Variants in ZNF43 observed in about 807,000 individuals in gnomAD.
ZNF43 encodes the protein zinc finger protein 43.
ZNF43 carries 44 observed loss-of-function variants against 68.4 expected under a neutral mutation model. That is an observed-to-expected ratio of 0.64 (90% confidence interval 0.51 to 0.83). ZNF43 has a LOEUF of 0.83. Among genes scored for constraint, ZNF43 ranks in the 40% least tolerant of loss-of-function variants. The probability of loss-of-function intolerance (pLI) is 0.00; values close to 1 mark genes in which losing one functional copy is unlikely to be tolerated. For synonymous variants in ZNF43, 308 were observed against 307.8 expected, an observed-to-expected ratio of 1.00 and a Z score of -0.01; for missense variants, 896 against 933.2, an observed-to-expected ratio of 0.96 and a Z score of 0.52.
chr19:21,835,948 A>G, intron 1 of ZNF43, 88 bp downstream of exon 1: 1 of 1,603,646 alleles, frequency 6.2e-7, no homozygotes, highest in East Asian at 2.2e-5. Context: ...GAACTCCGGC[A>G]CGCGCAGATT....
intron 1 of ZNF43, among the ~76,000 whole-genome samples, chr19:21,831,031 A>C (rs1295370411): frequency 6.6e-6 from 1 of 152,176 alleles, no homozygotes; most frequent in Non-Finnish European, 1.5e-5. Context: ...ATGCAGAAAA[A>C]TCTTTCAAGA....
At position 21,836,116 on chromosome 19, in the gene ZNF43, G is replaced by C. The variant is rs1233839540; in HGVS notation, c.-78C>G. On this transcript the variant is annotated 5_prime_UTR_variant, in exon 1 of 4. Coordinates refer to ENST00000354959, the MANE Select transcript of ZNF43 (RefSeq NM_003423.4). Reference sequence around the variant, plus strand: ...GCAGGTCACAGAGCCACAGAGGCTGGACCTCTAGCAGCAGAGGACACAGAA... The same window carrying C: ...GCAGGTCACAGAGCCACAGAGGCTGCACCTCTAGCAGCAGAGGACACAGAA... 6 of 1,609,472 alleles carry C rather than the reference G, an allele frequency of 3.7e-6. No homozygotes were observed. In the African/African-American group the frequency reaches 8.0e-5, roughly 21 times the overall value.
chr19:21,833,665 A>C (rs955359389), intron 1 of ZNF43, among the ~76,000 whole-genome samples: 3 of 152,134 alleles, frequency 2.0e-5, no homozygotes, highest in African/African-American at 7.2e-5. Context: ...AAAAACAACA[A>C]AATGAAGTGT....
chr19:21,842,848 T>TCA (rs1288961186), intron 1 of ZNF43, among the ~76,000 whole-genome samples: 2 of 151,796 alleles, frequency 1.3e-5, no homozygotes, highest in African/African-American at 4.8e-5. Context: ...GGCAGAAAAA[T>TCA]CACATAACCT....
Position 21,808,408 on chromosome 19 carries a change from A to G in ZNF43, c.1629T>C (p.Cys543=). 6.2e-7 allele frequency: 1 copy of G among 1,613,066 alleles called. No homozygotes were observed. Among genetic ancestry groups the G allele is most frequent in the Non-Finnish European group, 8.5e-7 (1 of 1,179,896 alleles). Reference sequence around the variant, plus strand: ...TTGAGAAATGGTTAAAAGCTTTGCCACATTCTTCACATTTGTAGGGTTTCT... The same window carrying G: ...TTGAGAAATGGTTAAAAGCTTTGCCGCATTCTTCACATTTGTAGGGTTTCT... ...TGEKPYKCEE[C]GKAFNHFSIL... Residue 543 remains cysteine, a synonymous_variant, in exon 4 of 4, where the codon TGT becomes TGC. Transcript: ENST00000354959.
chr19:21,813,543 G>A (rs1458457762), intron 3 of ZNF43, among the ~76,000 whole-genome samples: 1 of 152,052 alleles, frequency 6.6e-6, no homozygotes, highest in Admixed American at 6.6e-5. Context: ...TATGTCACCT[G>A]AAATTAGCAA....
chr19:21,812,897 C>T (rs1019254508), intron 3 of ZNF43, among the ~76,000 whole-genome samples: 1 of 150,648 alleles, frequency 6.6e-6, no homozygotes, highest in African/African-American at 2.5e-5. Context: ...CAAATCACTG[C>T]ACTTCAGTCT....
At chr19:21,831,347 A>T (rs920845446) in intron 1 of ZNF43, among the ~76,000 whole-genome samples, 25 of 149,676 alleles carry the variant, frequency 1.7e-4, no homozygotes, top group Middle Eastern at 3.5e-3. Context: ...TCAGCAGAAA[A>T]TTTTTTTTTT....
intron 3 of ZNF43, among the ~76,000 whole-genome samples, chr19:21,814,267 A>G (rs2145191668): frequency 6.6e-6 from 1 of 152,288 alleles, no homozygotes; most frequent in South Asian, 2.1e-4. Flanking sequence ...ATGACTACTA[A>G]CTTAGAGAAG....
chr19:21,813,529 A>C (rs2037381150), intron 3 of ZNF43, among the ~76,000 whole-genome samples: 1 of 152,180 alleles, frequency 6.6e-6, no homozygotes, highest in Non-Finnish European at 1.5e-5. Flanking sequence ...AATTTTGAGA[A>C]TATTATGTCA....
chr19:21,851,799 G>C, intron 1 of ZNF43: 1 of 1,267,050 alleles, frequency 7.9e-7, no homozygotes, highest in Non-Finnish European at 1.1e-6. Flanking sequence ...GCCTGGGGCG[G>C]AGCTGCGCCA....
intron 1 of ZNF43, among the ~76,000 whole-genome samples, chr19:21,831,417 A>G (rs529365318): frequency 7.2e-5 from 11 of 152,006 alleles, no homozygotes; most frequent in Admixed American, 3.3e-4. Flanking sequence ...GCTGGAGTGC[A>G]GTGGCACAAT....
At chr19:21,839,331 CAAAAAAAAAAAAAAA>C (rs61335194), upstream of ZNF43, among the ~76,000 whole-genome samples, 11 of 28,302 alleles carry the variant, frequency 3.9e-4, no homozygotes, top group Admixed American at 1.9e-3. Context: ...AGAGATCAGG[CAAAAAAAAAAAAAAA>C]AAAAAAAAAA....
At chr19:21,815,622 T>C (rs2037492028) in intron 3 of ZNF43, among the ~76,000 whole-genome samples, 1 of 151,848 alleles carries the variant, frequency 6.6e-6, no homozygotes. Context: ...CTCTTTTACC[T>C]ACAGCAAACT....
chr19:21,807,948 T>TA lies in ZNF43; in HGVS notation c.2088dup (p.Lys697Ter), dbSNP rs1230877503. 1 of 1,612,870 alleles carries TA rather than the reference T, an allele frequency of 6.2e-7. No individual in the cohort carries two copies. Among genetic ancestry groups the TA allele is most frequent in the African/African-American group, 1.3e-5 (1 of 74,908 alleles). ...GGTTTCTCTCCAGTATGAATAATCT[T>TA]ATGTGTAGAAAGGGTTGAGGACAGT... is the stretch of plus-strand genomic sequence containing the variant. On this transcript the variant is annotated frameshift_variant, in exon 4 of 4. Transcript: ENST00000354959. LOFTEE classifies it high-confidence loss of function.
At chr19:21,812,492 C>G (rs190836958) in intron 3 of ZNF43, among the ~76,000 whole-genome samples, 22 of 149,560 alleles carry the variant, frequency 1.5e-4, no homozygotes, top group African/African-American at 5.2e-4. Flanking sequence ...TAAATTTTTA[C>G]CAAAAATATA....
At chr19:21,844,921 A>AAAAAAAAAATATATAT (rs1310761266) in intron 1 of ZNF43, among the ~76,000 whole-genome samples, 1 of 26,052 alleles carries the variant, frequency 3.8e-5, no homozygotes, top group African/African-American at 2.2e-4. Context: ...AAAAAAAAAA[A>AAAAAAAAAATATATAT]ATATATATAT....
chr19:21,851,931 G>A (rs921368811), exon 1 of ZNF43: 2 of 1,575,352 alleles, frequency 1.3e-6, no homozygotes, highest in South Asian at 2.3e-5. Flanking sequence ...GGATGTCCGG[G>A]CATCTTAGCT....
rs559230925 is a variant in ZNF43 at position 21,807,700 on chromosome 19, T to A, written c.2337A>T (p.Thr779=). The A allele has an allele frequency of 1.9e-6, 3 of 1,613,082 alleles. No individual in the cohort carries two copies. Among genetic ancestry groups the A allele is most frequent in the Non-Finnish European group, 1.7e-6 (2 of 1,179,540 alleles). ...TCTCTCCAGTATGAATTTTGTTATG[T>A]GTAGTAAGGTTTGAATATTGGTTGA... ...KAFNQYSNLT[T]HNKIHTGEKL... is the part of the protein sequence containing the mutation. The change falls in exon 4 of 4, where the codon ACA becomes ACT. Residue 779 remains threonine (T), a synonymous_variant. Coordinates refer to ENST00000354959, the MANE Select transcript of ZNF43 (RefSeq NM_003423.4).
Sources: allele counts gnomAD v4.1 joint callset (sites outside exome capture counted in the v4.1 genomes callset), GRCh38; gene constraint gnomAD v4.1.1; transcripts MANE v1.5; gene names NCBI Gene and HGNC (gene_info 2026-07-23, HGNC 2026-07-21).